Variants in TARS2 observed in about 807,000 individuals in gnomAD.
TARS2 encodes threonine--tRNA ligase, mitochondrial.
Under a neutral mutation model 94.4 loss-of-function variants are expected in TARS2, and 61 were observed. The ratio of observed to expected loss-of-function variants is 0.65; its 90% CI spans 0.53 to 0.80. TARS2 has a LOEUF of 0.80. Ranked by LOEUF, TARS2 falls within the 30% of genes least tolerant of loss-of-function variation. TARS2 has a pLI of 0.00. For synonymous variants in TARS2, 359 were observed against 353.4 expected, an observed-to-expected ratio of 1.02 and a Z score of -0.18; for missense variants, 704 against 902.5, an observed-to-expected ratio of 0.78 and a Z score of 2.82.
rs1364375302 is a variant in TARS2 at position 150,490,607 on chromosome 1, T to C, written c.394T>C (p.Trp132Arg). ...CCCTTTTTTGTGAACCCAGGTGTTC[T>C]GGCACTCCAGCACCCATGTCCTGGG... ...FDSPEGKAVF[W>R]HSSTHVLGAA... Residue 132 changes from tryptophan (W) to arginine (R), a missense_variant, in exon 4 of 18, where the codon TGG becomes CGG. By Grantham distance (101) the Trp-to-Arg change is moderately radical. Coordinates refer to ENST00000369064, the MANE Select transcript of TARS2 (RefSeq NM_025150.5). 4 of 1,613,108 alleles carry C rather than the reference T, an allele frequency of 2.5e-6. No homozygotes were observed. The highest frequency in any genetic ancestry group is 3.4e-6 in the Non-Finnish European group (4 of 1,179,740).
Position 150,487,476 on chromosome 1 carries a change from G to C in TARS2, c.26G>C (p.Cys9Ser), listed in dbSNP as rs1283746347. The change falls in exon 1 of 18, where the codon TGT becomes TCT. Residue 9 changes from cysteine (C) to serine (S), a missense_variant. Physicochemically the swap from Cys to Ser is moderately radical, Grantham distance 112 (BLOSUM62 -1). Around this residue, in one of 3 missense-constraint regions of TARS2, gnomAD observed 208 missense variants for 228.5 expected, o/e 0.91. Transcript: ENST00000369064. MALYQRWR[C>S]LRLQGLQACR... is the part of the protein sequence containing the mutation. ...ATGGCCCTGTATCAGAGGTGGCGGT[G>C]TCTCCGGCTCCAAGGTTTACAGGCT... 7 of 1,614,128 alleles carry C rather than the reference G, an allele frequency of 4.3e-6. No individual in the cohort carries two copies. The East Asian group carries it at 1.3e-4, about 31-fold the overall frequency.
At position 150,499,241 on chromosome 1, in the gene TARS2, T is replaced by C. The variant is rs767981960; in HGVS notation, c.1565T>C (p.Phe522Ser). ...GTCCTTAAACAGGCCCTGAAGGAAT[T>C]TGGAGAACCCTGGGACCTCAACTCT... is the stretch of plus-strand genomic sequence containing the variant. ...EQVLKQALKE[F>S]GEPWDLNSGD... The change falls in exon 13 of 18, where the codon TTT becomes TCT. Residue 522 changes from phenylalanine (F) to serine (S), a missense_variant. Coordinates refer to ENST00000369064, the MANE Select transcript of TARS2 (RefSeq NM_025150.5). 28 of 1,614,022 alleles carry C rather than the reference T, an allele frequency of 1.7e-5. No homozygotes were observed. The highest frequency in any genetic ancestry group is 1.6e-4 in the Middle Eastern group (1 of 6,084).
chr1:150,499,602 G>A (rs1447019433), intron 13 of TARS2, among the ~76,000 whole-genome samples: 2 of 152,110 alleles, frequency 1.3e-5, no homozygotes, highest in East Asian at 3.9e-4. Context: ...CTGACCTCAG[G>A]CAATCCACCC....
chr1:150,489,401 A>T (rs1669282757), intron 3 of TARS2: 1 of 366,926 alleles, frequency 2.7e-6, no homozygotes, highest in Admixed American at 3.9e-5. Flanking sequence ...TGTAGTGTAT[A>T]TTCAATTCTA....
chr1:150,490,610 C>A lies in TARS2; in HGVS notation c.397C>A (p.His133Asn). 1.9e-6 allele frequency: 3 copies of A among 1,612,728 alleles called. No homozygotes were observed. Among genetic ancestry groups the A allele is most frequent in the Non-Finnish European group, 2.5e-6 (3 of 1,179,580 alleles). ...TTTTTTGTGAACCCAGGTGTTCTGGCACTCCAGCACCCATGTCCTGGGGGC... is the reference window on the plus strand; with the variant it reads ...TTTTTTGTGAACCCAGGTGTTCTGGAACTCCAGCACCCATGTCCTGGGGGC... Reference protein sequence around the residue: ...DSPEGKAVFWHSSTHVLGAAA... With the variant: ...DSPEGKAVFWNSSTHVLGAAA... Residue 133 changes from histidine (H) to asparagine (N), a missense_variant, in exon 4 of 18, where the codon CAC becomes AAC. By Grantham distance (68) the His-to-Asn change is moderately conservative (BLOSUM62 1). Around this residue, in one of 3 missense-constraint regions of TARS2, gnomAD observed 208 missense variants for 228.5 expected, o/e 0.91. Transcript: ENST00000369064.
At chr1:150,489,173 G>C in intron 3 of TARS2, 86 bp downstream of exon 3, 1 of 1,595,954 alleles carries the variant, frequency 6.3e-7, no homozygotes, top group Non-Finnish European at 8.6e-7. Flanking sequence ...TTCTTTTGCC[G>C]CAGTTTCTCC....
intron 4 of TARS2, 124 bp downstream of exon 4, chr1:150,490,849 T>A: frequency 1.5e-6 from 2 of 1,375,542 alleles, no homozygotes; most frequent in Non-Finnish European, 1.0e-6. Context: ...AGGTCTCAAC[T>A]ATGACATTAG....
chr1:150,492,090 C>T (rs1336608991), intron 6 of TARS2: 6 of 290,374 alleles, frequency 2.1e-5, no homozygotes, highest in Admixed American at 9.7e-5. Context: ...CTCAGCCTCC[C>T]GAGTAGCTGG....
At chr1:150,503,548 T>A (rs1184121302) in intron 13 of TARS2, among the ~76,000 whole-genome samples, 1 of 73,148 alleles carries the variant, frequency 1.4e-5, no homozygotes, top group African/African-American at 6.3e-5. Flanking sequence ...TACACATATG[T>A]GTGTGTGTGT....
rs752671187 is a variant in TARS2, at chr1:150,498,598, G to C, written c.1335G>C (p.Leu445=). Residue 445 remains leucine, a synonymous_variant, in exon 11 of 18, where the codon CTG becomes CTC. Coordinates refer to ENST00000369064, the MANE Select transcript of TARS2 (RefSeq NM_025150.5). ...ACCGGGCCGAAGCCTCTGGTGGTCT[G>C]GGGGGACTGACCCGACTGCGGTGCT... ...ALHRAEASGG[L]GGLTRLRCFQ... The C allele has an allele frequency of 5.0e-6, 8 of 1,611,978 alleles. No homozygotes were observed. The highest frequency in any genetic ancestry group is 1.1e-5 in the South Asian group (1 of 90,822).
At position 150,503,136 on chromosome 1, in the gene TARS2, G is replaced by A. The variant is rs587752385; in HGVS notation, c.1618-1199G>A. ...AGCAGACAGGGACCAGCTGAATCTC[G>A]AAATACTGACTTCCATGGTGGCATC... On this transcript the variant is annotated intron_variant, in intron 13 of 17. Coordinates refer to ENST00000369064, the MANE Select transcript of TARS2 (RefSeq NM_025150.5). Among the ~76,000 whole-genome samples, 73 of 152,294 alleles carry A rather than the reference G, an allele frequency of 4.8e-4. No individual in the cohort carries two copies. The Middle Eastern group carries it at 0.01, about 21-fold the overall frequency.
rs144192740 is a variant in TARS2, at chr1:150,496,028, C to G, written c.775-454C>G. Among the ~76,000 whole-genome samples the G allele has an allele frequency of 5.2e-3, 787 of 152,248 alleles. 2 individuals are homozygous for G. Among genetic ancestry groups the G allele is most frequent in the Non-Finnish European group, 7.5e-3 (512 of 68,032 alleles). ...AGCCACCGCGCCCGGCTCATTAGTA[C>G]TGTTAAAGGAGAGAGCAGGCAGAGG... On this transcript the variant is annotated intron_variant, in intron 7 of 17. Transcript: ENST00000369064.
intron 7 of TARS2, among the ~76,000 whole-genome samples, chr1:150,493,063 A>G (rs759734891): frequency 1.3e-5 from 2 of 151,972 alleles, no homozygotes; most frequent in African/African-American, 4.8e-5. Flanking sequence ...TTGTATTTTT[A>G]GTAGAGACAG....
intron 4 of TARS2, 140 bp from the exon 5 acceptor site, chr1:150,491,254 T>C: frequency 1.3e-6 from 1 of 762,474 alleles, no homozygotes. Flanking sequence ...TATTTATATT[T>C]TCTCTGAGTT....
chr1:150,502,086 T>C (rs1036915772), intron 13 of TARS2, among the ~76,000 whole-genome samples: 4 of 150,786 alleles, frequency 2.7e-5, no homozygotes, highest in African/African-American at 9.8e-5. Flanking sequence ...CTAATTTTTG[T>C]ATTTTTAGTA....
chr1:150,492,809 C>CAA (rs750302051), intron 7 of TARS2, among the ~76,000 whole-genome samples: 3 of 67,254 alleles, frequency 4.5e-5, no homozygotes, highest in African/African-American at 5.2e-5. Context: ...GAGTCCATCT[C>CAA]AAAAAAAAAA....
Position 150,504,288 on chromosome 1 carries a change from G to C in TARS2, c.1618-47G>C, listed in dbSNP as rs370143315. On this transcript the variant is annotated intron_variant, in intron 13 of 17. Transcript: ENST00000369064. ...CAGGTAATGGAGGATAGTGGTTCTG[G>C]ATAGTGCTTCTGGCTTATCTCGTGC... 1.9e-6 allele frequency: 3 copies of C among 1,590,500 alleles called. No individual in the cohort carries two copies. The South Asian group carries it at 3.3e-5, about 18-fold the overall frequency.
intron 6 of TARS2, chr1:150,491,961 G>GTTTTTTTTTTTTTTTTTTT (rs367685337): frequency 8.0e-6 from 1 of 124,616 alleles, no homozygotes; most frequent in African/African-American, 4.1e-5. Flanking sequence ...TGCCTGGCTA[G>GTTTTTTTTTTTTTTTTTTT]TTTTTTTTTT....
intron 6 of TARS2, 158 bp from the exon 7 acceptor site, chr1:150,492,253 C>T (rs587740915): frequency 8.4e-6 from 6 of 710,564 alleles, no homozygotes; most frequent in East Asian, 5.8e-5. Context: ...CATGAGCCAC[C>T]GCGCCCTGCC....
Sources: allele counts gnomAD v4.1 joint callset (sites outside exome capture counted in the v4.1 genomes callset), GRCh38; gene constraint gnomAD v4.1.1; regional missense constraint gnomAD v4.1.1; transcripts MANE v1.5; gene names NCBI Gene and HGNC (gene_info 2026-07-23, HGNC 2026-07-21).